The following DTWD2 variants were observed in gnomAD, a reference collection of about 807,000 sequenced individuals.
DTWD2 encodes tRNA-uridine aminocarboxypropyltransferase 2.
DTWD2 carries 39 observed loss-of-function variants against 31.8 expected under a neutral mutation model. The ratio of observed to expected loss-of-function variants is 1.22; its 90% CI spans 0.95 to 1.60. The LOEUF is 1.60. Ranked by LOEUF, DTWD2 falls within the 40% of genes most tolerant of loss-of-function variation. The pLI is 0.00. For synonymous variants in DTWD2, 180 were observed against 142.8 expected (o/e 1.26, Z -1.86); for missense variants, 515 against 381.5 (o/e 1.35, Z -2.92).
intron 4 of DTWD2, among the ~76,000 whole-genome samples, chr5:118,887,587 G>T (rs1752894441): frequency 2.0e-5 from 3 of 152,154 alleles, no homozygotes; most frequent in Admixed American, 1.3e-4. Flanking sequence ...AAGGGGAATG[G>T]TTGAACTTCT....
intron 4 of DTWD2, among the ~76,000 whole-genome samples, chr5:118,855,939 T>C (rs1256297252): frequency 1.3e-5 from 2 of 152,136 alleles, no homozygotes; most frequent in African/African-American, 4.8e-5. Flanking sequence ...TAAAATAGAA[T>C]AGGTAATAGT....
chr5:118,972,348 A>G (rs1019713954), intron 1 of DTWD2, among the ~76,000 whole-genome samples: 1 of 152,228 alleles, frequency 6.6e-6, no homozygotes, highest in Non-Finnish European at 1.5e-5. Flanking sequence ...AAACACCTCT[A>G]TGCACATAAA....
chr5:118,960,262 G>A (rs920441106), intron 1 of DTWD2, among the ~76,000 whole-genome samples: 17 of 151,972 alleles, frequency 1.1e-4, no homozygotes, highest in Admixed American at 9.8e-4. Context: ...ATTAAAATGT[G>A]AGCAAAAGAC....
intron 4 of DTWD2, among the ~76,000 whole-genome samples, chr5:118,856,211 A>G (rs1752131006): frequency 6.6e-6 from 1 of 152,210 alleles, no homozygotes; most frequent in Non-Finnish European, 1.5e-5. Context: ...TATCCTAAAT[A>G]AGACAATTGT....
In DTWD2 at chr5:118,955,669, T is replaced by C. The variant is rs575412636; in HGVS notation, c.219-11020A>G. Among the ~76,000 whole-genome samples, 7 of 152,144 alleles carry C rather than the reference T, an allele frequency of 4.6e-5. No individual in the cohort carries two copies. In the East Asian group the frequency reaches 5.8e-4, roughly 13 times the overall value. ...AAAGTTCCTTGCTTCTCCAGGCACA[T>C]AGCAGGGTGCAGCTACTCAGGAGGC... On this transcript the variant is annotated intron_variant, in intron 1 of 5. Coordinates refer to ENST00000510708, the MANE Select transcript of DTWD2 (RefSeq NM_173666.4).
intron 1 of DTWD2, 75 bp from the exon 2 acceptor site, chr5:118,944,724 A>T: frequency 7.4e-6 from 10 of 1,360,020 alleles, no homozygotes; most frequent in Non-Finnish European, 1.0e-5. Context: ...AAATGACCTT[A>T]ATCCCACTGC....
chr5:118,942,289 A>T (rs1272365730), intron 2 of DTWD2, among the ~76,000 whole-genome samples: 1 of 152,130 alleles, frequency 6.6e-6, no homozygotes, highest in Non-Finnish European at 1.5e-5. Context: ...GTTGGAGGAT[A>T]ACTTGAGCCA....
chr5:118,935,448 C>G (rs547486570), intron 3 of DTWD2, among the ~76,000 whole-genome samples: 2 of 152,222 alleles, frequency 1.3e-5, no homozygotes, highest in South Asian at 2.1e-4. Flanking sequence ...ACTATCCCCA[C>G]GTAGGCAGGG....
At chr5:118,870,142 AAAT>A (rs1752470390) in intron 4 of DTWD2, among the ~76,000 whole-genome samples, 1 of 152,224 alleles carries the variant, frequency 6.6e-6, no homozygotes, top group Admixed American at 6.5e-5. Context: ...ACCATGAGCT[AAAT>A]AAATCTCTTT....
At position 118,929,305 on chromosome 5, in the gene DTWD2, T is replaced by C. The variant is rs1165192515; in HGVS notation, c.405-576A>G. On this transcript the variant is annotated intron_variant, in intron 3 of 5. Coordinates refer to ENST00000510708, the MANE Select transcript of DTWD2 (RefSeq NM_173666.4). ...AACCTATCTTAATAGGCAGACAAGA[T>C]TGAAAACCTAATTTAGGAGTATGCA... 1.1e-4 allele frequency among the ~76,000 whole-genome samples: 16 copies of C among 152,314 alleles called. No individual in the cohort carries two copies. The South Asian group carries it at 2.3e-3, about 22-fold the overall frequency.
chr5:118,948,336 C>G (rs1754385248), intron 1 of DTWD2, among the ~76,000 whole-genome samples: 1 of 152,044 alleles, frequency 6.6e-6, no homozygotes. Context: ...AAAAAATTAG[C>G]CGGGCATGAT....
Position 118,970,230 on chromosome 5 carries a change from C to G in DTWD2, c.218+18064G>C, listed in dbSNP as rs186465378. Among the ~76,000 whole-genome samples the G allele has an allele frequency of 3.6e-3, 545 of 152,300 alleles. 2 individuals are homozygous for G. Among genetic ancestry groups the G allele is most frequent in the African/African-American group, 0.012 (519 of 41,568 alleles). On this transcript the variant is annotated intron_variant, in intron 1 of 5. Transcript: ENST00000510708. Reference sequence around the variant, plus strand: ...TCACCTGAGGTCAGGAGTTCGAGACCAGCCTGGCCAACATGGCAAAACCCT... The same window carrying G: ...TCACCTGAGGTCAGGAGTTCGAGACGAGCCTGGCCAACATGGCAAAACCCT...
At chr5:118,913,104 A>G (rs1753495513) in intron 4 of DTWD2, among the ~76,000 whole-genome samples, 1 of 152,110 alleles carries the variant, frequency 6.6e-6, no homozygotes, top group Non-Finnish European at 1.5e-5. Flanking sequence ...TTTATATCCT[A>G]CTGCTCAGGG....
chr5:118,968,704 C>T (rs1754911102), intron 1 of DTWD2, among the ~76,000 whole-genome samples: 1 of 152,228 alleles, frequency 6.6e-6, no homozygotes, highest in Non-Finnish European at 1.5e-5. Context: ...AACAGAGTGG[C>T]TCTGGTATGC....
intron 1 of DTWD2, among the ~76,000 whole-genome samples, chr5:118,952,581 G>T (rs1297760405): frequency 6.6e-6 from 1 of 152,164 alleles, no homozygotes; most frequent in Non-Finnish European, 1.5e-5. Context: ...CACTTCTTTT[G>T]TGATTCTTCA....
intron 4 of DTWD2, among the ~76,000 whole-genome samples, chr5:118,919,936 G>T (rs1355946959): frequency 6.6e-6 from 1 of 151,960 alleles, no homozygotes; most frequent in Non-Finnish European, 1.5e-5. Context: ...TGAAACAGTA[G>T]TAGAAAACTA....
chr5:118,919,243 T>G (rs1753648081), intron 4 of DTWD2, among the ~76,000 whole-genome samples: 2 of 152,318 alleles, frequency 1.3e-5, no homozygotes, highest in Middle Eastern at 3.4e-3. Context: ...GGAGAGGAAC[T>G]CTGAAATTAT....
chr5:118,891,453 AT>A, intron 4 of DTWD2, among the ~76,000 whole-genome samples: 1 of 152,182 alleles, frequency 6.6e-6, no homozygotes, highest in Non-Finnish European at 1.5e-5. Flanking sequence ...CTTCTCCACC[AT>A]TACCTTTGCC....
Position 118,890,348 on chromosome 5 carries a change from T to C in DTWD2, c.597+38189A>G, listed in dbSNP as rs563129038. ...ACTTCAGTAATTCACATTTTATACATTTTAAGGTTCTTAGATTTTAAATTA... is the reference window on the plus strand; with the variant it reads ...ACTTCAGTAATTCACATTTTATACACTTTAAGGTTCTTAGATTTTAAATTA... On this transcript the variant is annotated intron_variant, in intron 4 of 5. Coordinates refer to ENST00000510708, the MANE Select transcript of DTWD2 (RefSeq NM_173666.4). Among the ~76,000 whole-genome samples the C allele has an allele frequency of 2.6e-5, 4 of 152,294 alleles. No homozygotes were observed. The South Asian group carries it at 8.3e-4, about 32-fold the overall frequency.
Sources: allele counts gnomAD v4.1 joint callset (sites outside exome capture counted in the v4.1 genomes callset), GRCh38; gene constraint gnomAD v4.1.1; transcripts MANE v1.5; gene names NCBI Gene and HGNC (gene_info 2026-07-23, HGNC 2026-07-21).